The following MGAT4C variants were observed in gnomAD, a reference collection of about 807,000 sequenced individuals.
MGAT4C encodes the protein alpha-1,3-mannosyl-glycoprotein 4-beta-N-acetylglucosaminyltransferase C.
Under a neutral mutation model 40.1 loss-of-function variants are expected in MGAT4C, and 19 were observed. The observed-to-expected ratio is 0.47, with a 90% CI of 0.33 to 0.70. MGAT4C has a LOEUF of 0.70. Among genes scored for constraint, MGAT4C ranks in the 30% least tolerant of loss-of-function variants. The probability of loss-of-function intolerance (pLI) is 0.02; values close to 1 mark genes in which losing one functional copy is unlikely to be tolerated. For missense variants in MGAT4C, 491 were observed against 563.2 expected, an observed-to-expected ratio of 0.87 and a Z score of 1.30; for synonymous variants, 181 against 187.1, an observed-to-expected ratio of 0.97 and a Z score of 0.27.
At chr12:86,051,424 C>A (rs1013857480) in intron 1 of MGAT4C, among the ~76,000 whole-genome samples, 4 of 151,762 alleles carry the variant, frequency 2.6e-5, no homozygotes, top group Admixed American at 2.6e-4. Flanking sequence ...TTTAGAATCC[C>A]ATTAGTGATT....
intron 2 of MGAT4C, among the ~76,000 whole-genome samples, chr12:86,649,375 C>A (rs1963634629): frequency 6.6e-6 from 1 of 151,702 alleles, no homozygotes; most frequent in South Asian, 2.1e-4. Context: ...GTTATTAACA[C>A]AGGATCTTTA....
At chr12:86,704,927 T>A (rs1950428402) in intron 2 of MGAT4C, among the ~76,000 whole-genome samples, 1 of 152,122 alleles carries the variant, frequency 6.6e-6, no homozygotes, top group Admixed American at 6.6e-5. Flanking sequence ...TTGTTTTAGT[T>A]AACTTTCCAT....
intron 1 of MGAT4C, among the ~76,000 whole-genome samples, chr12:86,750,042 T>C (rs1365388095): frequency 6.6e-6 from 1 of 151,818 alleles, no homozygotes; most frequent in Non-Finnish European, 1.5e-5. Flanking sequence ...CTAGTTCCCA[T>C]ATGACTGAAC....
At chr12:86,798,730 C>T (rs999862087) in intron 1 of MGAT4C, among the ~76,000 whole-genome samples, 1 of 151,780 alleles carries the variant, frequency 6.6e-6, no homozygotes, top group African/African-American at 2.4e-5. Context: ...AGAATACCAG[C>T]TGTTTATTGT....
At chr12:86,530,224 A>G (rs1332690875) in intron 2 of MGAT4C, among the ~76,000 whole-genome samples, 1 of 151,708 alleles carries the variant, frequency 6.6e-6, no homozygotes, top group Non-Finnish European at 1.5e-5. Flanking sequence ...TGAAACCTAA[A>G]CCCCTTATAA....
At chr12:86,763,889 A>G (rs530550983) in intron 1 of MGAT4C, among the ~76,000 whole-genome samples, 1 of 152,252 alleles carries the variant, frequency 6.6e-6, no homozygotes, top group Non-Finnish European at 1.5e-5. Context: ...GGCAGCCAAG[A>G]CGGCCGAATA....
intron 1 of MGAT4C, among the ~76,000 whole-genome samples, chr12:86,082,700 C>T (rs538718181): frequency 2.6e-4 from 39 of 152,060 alleles, no homozygotes; most frequent in Non-Finnish European, 1.5e-4. Flanking sequence ...ACTTTTCTCT[C>T]CATAAAATAC....
intron 1 of MGAT4C, among the ~76,000 whole-genome samples, chr12:86,143,789 A>C (rs1883168681): frequency 3.3e-5 from 5 of 152,178 alleles, no homozygotes; most frequent in Admixed American, 3.3e-4. Flanking sequence ...TTAATCAGAA[A>C]CCCTGAATAC....
chr12:86,225,139 A>T (rs1951027475), intron 1 of MGAT4C, among the ~76,000 whole-genome samples: 1 of 152,090 alleles, frequency 6.6e-6, no homozygotes, highest in South Asian at 2.1e-4. Flanking sequence ...CTGATAAAAG[A>T]TCATCAGAGA....
intron 1 of MGAT4C, among the ~76,000 whole-genome samples, chr12:86,802,946 T>C (rs9706544): frequency 0.96 from 114,030 of 118,532 alleles, 54,975 homozygotes; most frequent in East Asian, 1. Flanking sequence ...AAAACGAGCC[T>C]GCATCGCCAA....
chr12:86,056,719 C>T (rs1893436224), intron 1 of MGAT4C, among the ~76,000 whole-genome samples: 1 of 152,046 alleles, frequency 6.6e-6, no homozygotes, highest in Non-Finnish European at 1.5e-5. Context: ...TTTATAGTAG[C>T]ATTATTTATA....
intron 3 of MGAT4C, among the ~76,000 whole-genome samples, chr12:86,434,356 T>C (rs906769206): frequency 6.6e-6 from 1 of 151,974 alleles, no homozygotes; most frequent in African/African-American, 2.4e-5. Flanking sequence ...TGCTTTAATA[T>C]GTAAATGTGT....
chr12:86,194,467 T>C (rs1157760106), intron 1 of MGAT4C, among the ~76,000 whole-genome samples: 1 of 151,906 alleles, frequency 6.6e-6, no homozygotes, highest in Non-Finnish European at 1.5e-5. Context: ...TTTTTTTTTT[T>C]TTTTGAGACA....
In MGAT4C at chr12:85,987,426, C is replaced by T. The variant is rs143515029; in HGVS notation, c.147+1974G>A. 5.1e-3 allele frequency among the ~76,000 whole-genome samples: 773 copies of T among 151,980 alleles called. 18 individuals are homozygous for T. The highest frequency in any genetic ancestry group is 0.046 in the Admixed American group (709 of 15,270). Reference sequence around the variant, plus strand: ...TGCTGGGATTACAGGCGTGAGCCACCGCGCCCGGCCAATAATAATTTTTAA... The same window carrying T: ...TGCTGGGATTACAGGCGTGAGCCACTGCGCCCGGCCAATAATAATTTTTAA... On this transcript the variant is annotated intron_variant, in intron 3 of 4. Coordinates refer to ENST00000611864, the MANE Select transcript of MGAT4C (RefSeq NM_001351288.2).
intron 2 of MGAT4C, among the ~76,000 whole-genome samples, chr12:86,456,204 C>A (rs1957508921): frequency 2.0e-5 from 3 of 151,980 alleles, no homozygotes; most frequent in Admixed American, 1.3e-4. Flanking sequence ...AGAATGTTAG[C>A]AAGGCAATAT....
intron 2 of MGAT4C, among the ~76,000 whole-genome samples, chr12:86,005,474 C>T (rs1302457365): frequency 1.3e-5 from 2 of 152,142 alleles, no homozygotes; most frequent in East Asian, 1.9e-4. Context: ...CTGAGGTTAA[C>T]TTTATAATAA....
intron 2 of MGAT4C, among the ~76,000 whole-genome samples, chr12:86,437,885 A>T (rs533496937): frequency 6.6e-6 from 1 of 151,870 alleles, no homozygotes; most frequent in Non-Finnish European, 1.5e-5. Context: ...ACCAGCTGTT[A>T]CTCATCTTTC....
intron 2 of MGAT4C, among the ~76,000 whole-genome samples, chr12:86,717,045 C>T (rs1308377768): frequency 6.6e-6 from 1 of 151,996 alleles, no homozygotes; most frequent in East Asian, 1.9e-4. Flanking sequence ...TGACAACCTG[C>T]AATTGAAACT....
intron 1 of MGAT4C, among the ~76,000 whole-genome samples, chr12:86,207,112 T>C (rs839169): frequency 0.012 from 107 of 9,274 alleles, no homozygotes; most frequent in Admixed American, 0.042. Flanking sequence ...CTTTTTTTTC[T>C]TTTTTTTTTT....
Sources: allele counts gnomAD v4.1 joint callset (sites outside exome capture counted in the v4.1 genomes callset), GRCh38; gene constraint gnomAD v4.1.1; transcripts MANE v1.5; gene names NCBI Gene and HGNC (gene_info 2026-07-23, HGNC 2026-07-21).